Variants in NPAS4 observed in about 807,000 individuals in gnomAD.
The protein encoded by NPAS4 is neuronal PAS domain-containing protein 4.
Under a neutral mutation model 64.0 loss-of-function variants are expected in NPAS4, and 10 were observed. The observed-to-expected ratio is 0.16, with a 90% CI of 0.10 to 0.26. The LOEUF is 0.26. NPAS4 is among the 10% of genes least tolerant of loss of function. The pLI, the probability that NPAS4 is intolerant of heterozygous loss-of-function variation, is 1.00. For synonymous variants in NPAS4, 441 were observed against 411.7 expected (o/e 1.07, Z -0.86); for missense variants, 886 against 992.6 (o/e 0.89, Z 1.44).
At position 66,422,850 on chromosome 11, in the gene NPAS4, C is replaced by A. The variant is rs745971624; in HGVS notation, c.607C>A (p.Pro203Thr). The change falls in exon 4 of 8, where the codon CCT becomes ACT. Residue 203 changes from proline (P) to threonine (T), a missense_variant. Around this residue, in one of 3 missense-constraint regions of NPAS4, gnomAD observed 820 missense variants for 855.5 expected, o/e 0.96. Transcript: ENST00000311034. ...APLEPRPRPGPGPGPGPASLF... is the reference protein window; with the variant it reads ...APLEPRPRPGTGPGPGPASLF... ...TCTGGAGCCGAGACCCCGCCCAGGT[C>A]CTGGCCCTGGCCCTGGCCCTGCCTC... The A allele has an allele frequency of 1.9e-5, 31 of 1,612,826 alleles. No individual in the cohort carries two copies. Among genetic ancestry groups the A allele is most frequent in the Non-Finnish European group, 2.5e-5 (30 of 1,179,968 alleles).
chr11:66,411,483 C>T, the NPAS4 span, among the ~76,000 whole-genome samples: 1 of 152,234 alleles, frequency 6.6e-6, no homozygotes, highest in Non-Finnish European at 1.5e-5. Flanking sequence ...CCGCTGACAT[C>T]TAGACTGAGC....
upstream of NPAS4, among the ~76,000 whole-genome samples, chr11:66,417,503 G>A (rs1402381467): frequency 6.6e-6 from 1 of 152,162 alleles, no homozygotes; most frequent in Non-Finnish European, 1.5e-5. Flanking sequence ...ACTAGAGATT[G>A]CATGCAACAA....
At chr11:66,421,970 A>G in intron 1 of NPAS4, 150 bp from the exon 2 acceptor site, 3 of 680,880 alleles carry the variant, frequency 4.4e-6, no homozygotes, top group Non-Finnish European at 7.5e-6. Flanking sequence ...TTCCCTGGCC[A>G]AGAGCTGCGG....
chr11:66,422,114 C>T lies in NPAS4; in HGVS notation c.176-6C>T. The T allele has an allele frequency of 3.7e-6, 6 of 1,613,450 alleles. No homozygotes were observed. The highest frequency in any genetic ancestry group is 5.1e-6 in the Non-Finnish European group (6 of 1,179,828). On this transcript the variant is annotated splice_polypyrimidine_tract_variant and splice_region_variant and intron_variant, in intron 1 of 7. Transcript: ENST00000311034. Reference sequence around the variant, plus strand: ...TCCTGACGCACTACGTCTTCTCGCCCTACAGGCACTCCTCTGGCGGGCCCC... The same window carrying T: ...TCCTGACGCACTACGTCTTCTCGCCTTACAGGCACTCCTCTGGCGGGCCCC...
At chr11:66,423,063 G>T in intron 4 of NPAS4, 60 bp from the exon 5 acceptor site, 1 of 1,487,104 alleles carries the variant, frequency 6.7e-7, no homozygotes. Context: ...GAGGGAGTGA[G>T]ATGCATGGGT....
At chr11:66,414,650 G>A in the NPAS4 span, among the ~76,000 whole-genome samples, 1 of 152,220 alleles carries the variant, frequency 6.6e-6, no homozygotes, top group Admixed American at 6.5e-5. Context: ...GGGAGTGATA[G>A]CATAATGAAA....
the NPAS4 span, among the ~76,000 whole-genome samples, chr11:66,413,173 G>A: frequency 6.6e-6 from 1 of 152,326 alleles, no homozygotes; most frequent in African/African-American, 2.4e-5. Flanking sequence ...TGTAACTGAG[G>A]ATTTGGCCTC....
Position 66,421,339 on chromosome 11 carries a change from GTCT to G in NPAS4, c.166_168del (p.Phe56del). 1 of 1,614,040 alleles carries G rather than the reference GTCT, an allele frequency of 6.2e-7. No individual in the cohort carries two copies. Among genetic ancestry groups the G allele is most frequent in the Non-Finnish European group, 8.5e-7 (1 of 1,179,896 alleles). On this transcript the variant is annotated inframe_deletion, in exon 1 of 8. Transcript: ENST00000311034. ...CGCCTGCATCTACACTCGCAAGGGC[GTCT>G]TCTTCGCTGGTGGTGAGCATGCTGG...
In NPAS4 at chr11:66,425,981, AC is replaced by A. The variant is rs1466848693; in HGVS notation, c.2402del (p.Thr801SerfsTer4). The A allele has an allele frequency of 3.1e-6, 5 of 1,612,096 alleles. No individual in the cohort carries two copies. Among genetic ancestry groups the A allele is most frequent in the Non-Finnish European group, 4.2e-6 (5 of 1,178,324 alleles). ...TGCAGATGGAAGTGGAGGGGAACCA[AC>A]GTTTTGAATAAGTCTGTGACTTAAC... ...FHEDGSGGEP[T>X]F On this transcript the variant is annotated frameshift_variant, in exon 8 of 8. Transcript: ENST00000311034. LOFTEE classifies it high-confidence loss of function.
rs1856737904 is a variant in NPAS4, at chr11:66,421,338, C to T, written c.159C>T (p.Gly53=). Residue 53 remains glycine, a synonymous_variant, in exon 1 of 8, where the codon GGC becomes GGT. Coordinates refer to ENST00000311034, the MANE Select transcript of NPAS4 (RefSeq NM_178864.4). ...MSLACIYTRK[G]VFFAGGTPLA... is the part of the protein sequence containing the mutation. ...TCGCCTGCATCTACACTCGCAAGGG[C>T]GTCTTCTTCGCTGGTGGTGAGCATG... The T allele has an allele frequency of 3.7e-6, 6 of 1,614,010 alleles. No individual in the cohort carries two copies. Among genetic ancestry groups the T allele is most frequent in the Non-Finnish European group, 5.1e-6 (6 of 1,179,872 alleles).
chr11:66,413,927 A>G, the NPAS4 span, among the ~76,000 whole-genome samples: 1 of 152,288 alleles, frequency 6.6e-6, no homozygotes, highest in African/African-American at 2.4e-5. Flanking sequence ...TGTGGGCACC[A>G]TCACATCACT....
rs1856819697 is a variant in NPAS4 at position 66,425,103 on chromosome 11, G to A, written c.2213G>A (p.Gly738Glu). 1 of 1,604,504 alleles carries A rather than the reference G, an allele frequency of 6.2e-7. No individual in the cohort carries two copies. Among genetic ancestry groups the A allele is most frequent in the African/African-American group, 1.3e-5 (1 of 74,428 alleles). ...SGDPEAEGPG[G>E]APSPCNNLSP... ...GATCCTGAGGCAGAGGGCCCAGGAGGGGCCCCATCGCCTTGCAACAACCTG... is the reference window on the plus strand; with the variant it reads ...GATCCTGAGGCAGAGGGCCCAGGAGAGGCCCCATCGCCTTGCAACAACCTG... Residue 738 changes from glycine to glutamate, a missense_variant, in exon 7 of 8, where the codon GGG becomes GAG. Physicochemically the swap from Gly to Glu is moderately conservative, Grantham distance 98. Coordinates refer to ENST00000311034, the MANE Select transcript of NPAS4 (RefSeq NM_178864.4).
At position 66,424,427 on chromosome 11, in the gene NPAS4, C is replaced by T. The variant is rs1360076400; in HGVS notation, c.1537C>T (p.Leu513Phe). The change falls in exon 7 of 8, where the codon CTT becomes TTT. Residue 513 changes from leucine to phenylalanine, a missense_variant. Around this residue, in one of 3 missense-constraint regions of NPAS4, gnomAD observed 820 missense variants for 855.5 expected, o/e 0.96. Coordinates refer to ENST00000311034, the MANE Select transcript of NPAS4 (RefSeq NM_178864.4). ...PCTSTFPDQL[L>F]PSTATFPEPL... is the part of the protein sequence containing the mutation. ...CACCTCCACCTTCCCAGACCAGCTG[C>T]TTCCCAGCACAGCCACCTTCCCAGA... is the stretch of plus-strand genomic sequence containing the variant. 3 of 1,613,988 alleles carry T rather than the reference C, an allele frequency of 1.9e-6. No individual in the cohort carries two copies. Among genetic ancestry groups the T allele is most frequent in the Non-Finnish European group, 2.5e-6 (3 of 1,180,010 alleles).
In NPAS4 at chr11:66,424,378, C is replaced by T. The variant is rs960298227; in HGVS notation, c.1488C>T (p.Ser496=). ...QGQLTETSVR[S]YEDQLTPCTS... ...AGTTGACTGAAACCTCGGTCAGAAG[C>T]TATGAAGACCAGTTGACTCCCTGCA... The change falls in exon 7 of 8, where the codon AGC becomes AGT. Residue 496 remains serine, a synonymous_variant. Coordinates refer to ENST00000311034, the MANE Select transcript of NPAS4 (RefSeq NM_178864.4). 84 of 1,614,020 alleles carry T rather than the reference C, an allele frequency of 5.2e-5. No individual in the cohort carries two copies. The highest frequency in any genetic ancestry group is 6.6e-5 in the Non-Finnish European group (78 of 1,180,006).
At chr11:66,422,391 G>A (rs1856758603) in intron 2 of NPAS4, 60 bp from the exon 3 acceptor site, 1 of 1,486,728 alleles carries the variant, frequency 6.7e-7, no homozygotes. Flanking sequence ...AGATACTGTA[G>A]ATCAAAGATT....
chr11:66,421,211 C>T lies in NPAS4; in HGVS notation c.32C>T (p.Ala11Val), dbSNP rs1158475196. ...CGCTCCACCAAGGGCGCCTCCAAGG[C>T]GCGCCGGGACCAGATCAACGCCGAG... MYRSTKGASK[A>V]RRDQINAEIR... The change falls in exon 1 of 8, where the codon GCG (alanine) becomes GTG (valine). Residue 11 changes from alanine (A) to valine (V), a missense_variant. Physicochemically the swap from Ala to Val is moderately conservative, Grantham distance 64. This residue lies in a region of NPAS4 where 38 missense variants were observed against 80.1 expected (regional missense o/e 0.47). Coordinates refer to ENST00000311034, the MANE Select transcript of NPAS4 (RefSeq NM_178864.4). The T allele has an allele frequency of 1.9e-6, 3 of 1,612,596 alleles. No individual in the cohort carries two copies. The highest frequency in any genetic ancestry group is 2.5e-6 in the Non-Finnish European group (3 of 1,179,480).
rs779653995 is a variant in NPAS4, at chr11:66,424,216, G to C, written c.1326G>C (p.Glu442Asp). Residue 442 changes from glutamate to aspartate, a missense_variant, in exon 7 of 8, where the codon GAG becomes GAC. Glu to Asp is a conservative substitution (Grantham distance 45). Transcript: ENST00000311034. ...GGCAFLFSLH[E>D]PFQTHLPTPS... ...GTGCCTTCCTCTTCAGCCTCCATGA[G>C]CCCTTCCAGACCCATTTGCCCACCC... 6.2e-7 allele frequency: 1 copy of C among 1,613,952 alleles called. No individual in the cohort carries two copies.
upstream of NPAS4, chr11:66,420,967 C>T (rs886843447): frequency 8.9e-5 from 47 of 530,658 alleles, no homozygotes; most frequent in Non-Finnish European, 1.4e-4. Flanking sequence ...TCTCCCGCCC[C>T]CCCGGCTCTA....
rs149967216 is a variant in NPAS4 at position 66,423,040 on chromosome 11, G to A, written c.699-83G>A. Reference sequence around the variant, plus strand: ...GGCAGGGAGGATGGGGTTTAGGGGGGCAGAGGATCTGGGAGGGAGTGAGAT... The same window carrying A: ...GGCAGGGAGGATGGGGTTTAGGGGGACAGAGGATCTGGGAGGGAGTGAGAT... On this transcript the variant is annotated intron_variant, in intron 4 of 7. Coordinates refer to ENST00000311034, the MANE Select transcript of NPAS4 (RefSeq NM_178864.4). 2.0e-5 allele frequency: 30 copies of A among 1,515,526 alleles called. No individual in the cohort carries two copies. The African/African-American group carries it at 3.0e-4, about 15-fold the overall frequency. The allele number at this position is 1,515,526 out of a possible 1,614,324, so 93.9% of individuals were successfully genotyped here. A position where few individuals can be genotyped will look rare whatever the true frequency, so the allele number is the denominator to read the frequency against.
Sources: allele counts gnomAD v4.1 joint callset (sites outside exome capture counted in the v4.1 genomes callset), GRCh38; gene constraint gnomAD v4.1.1; regional missense constraint gnomAD v4.1.1; transcripts MANE v1.5; gene names NCBI Gene and HGNC (gene_info 2026-07-23, HGNC 2026-07-21).